The following PPP2R5D variants were observed in gnomAD, a reference collection of about 807,000 sequenced individuals.
PPP2R5D encodes the protein protein phosphatase 2 regulatory subunit B'delta.
A neutral mutation model predicts 79.1 loss-of-function variants in PPP2R5D; 12 were observed. The ratio of observed to expected loss-of-function variants is 0.15; its 90% confidence interval spans 0.10 to 0.25. The LOEUF is 0.25. Ranked by LOEUF, PPP2R5D falls within the 10% of genes least tolerant of loss-of-function variation. PPP2R5D has a pLI of 1.00. For missense variants in PPP2R5D, 419 were observed against 760.2 expected, an observed-to-expected ratio of 0.55 and a Z score of 5.28; for synonymous variants, 277 against 286.6, an observed-to-expected ratio of 0.97 and a Z score of 0.34.
Position 43,007,933 on chromosome 6 carries a change from A to T in PPP2R5D, c.727-2A>T. On this transcript the variant is annotated splice_acceptor_variant, in intron 6 of 15. Transcript: ENST00000485511. LOFTEE classifies it high-confidence loss of function. This position sits in a 1 kb window ranked among gnomAD's most constrained non-coding sequence, Gnocchi z 4.5. ...GCTGCTTTCCCTCCCTTGTACCCCC[A>T]GCTCCTAGACCTATTTGACAGTGAG... The T allele has an allele frequency of 1.2e-6, 2 of 1,613,914 alleles. No individual in the cohort carries two copies. The highest frequency in any genetic ancestry group is 1.7e-6 in the Non-Finnish European group (2 of 1,179,866).
chr6:43,003,554 AT>A (rs1326472432), intron 2 of PPP2R5D, among the ~76,000 whole-genome samples: 23 of 152,208 alleles, frequency 1.5e-4, no homozygotes, highest in African/African-American at 5.5e-4. Context: ...CTTGTAGAAA[AT>A]TTAGAAATGC....
intron 2 of PPP2R5D, among the ~76,000 whole-genome samples, chr6:42,991,247 C>T (rs1324917086): frequency 6.6e-6 from 1 of 152,106 alleles, no homozygotes; most frequent in Non-Finnish European, 1.5e-5. Context: ...ATTGTGGGAC[C>T]CACAGGGAAG....
Position 43,010,364 on chromosome 6 carries a change from G to A in PPP2R5D, c.1380-104G>A. ...GGTTTGTGAACTGGAAGTAGTAAAT[G>A]ACAAAGCTCTTAGCAGAGATACCCC... On this transcript the variant is annotated intron_variant, in intron 12 of 15. Coordinates refer to ENST00000485511, the MANE Select transcript of PPP2R5D (RefSeq NM_006245.4). This position sits in a 1 kb window ranked among gnomAD's most constrained non-coding sequence, Gnocchi z 4.7. 1.1e-6 allele frequency: 1 copy of A among 902,236 alleles called. No individual in the cohort carries two copies. 55.9% of individuals were successfully genotyped at this position (902,236 alleles called of 1,614,324 possible). A position where few individuals can be genotyped will look rare whatever the true frequency, so the allele number is the denominator to read the frequency against.
rs992335320 is a variant in PPP2R5D at position 43,006,381 on chromosome 6, T to G, written c.106-82T>G. ...CTCACTGCCCAGGCCTGTGCAGGCA[T>G]AAACAGACTTGGGGATGGCCAGGCC... is the stretch of plus-strand genomic sequence containing the variant. On this transcript the variant is annotated intron_variant, in intron 2 of 15. Coordinates refer to ENST00000485511, the MANE Select transcript of PPP2R5D (RefSeq NM_006245.4). This position sits in a 1 kb window ranked among gnomAD's most constrained non-coding sequence, Gnocchi z 4.7. The G allele has an allele frequency of 6.5e-7, 1 of 1,537,728 alleles. No individual in the cohort carries two copies. Among genetic ancestry groups the G allele is most frequent in the Non-Finnish European group, 8.7e-7 (1 of 1,142,914 alleles).
intron 2 of PPP2R5D, among the ~76,000 whole-genome samples, chr6:43,003,659 G>A (rs141477349): frequency 6.6e-6 from 1 of 152,046 alleles, no homozygotes; most frequent in Non-Finnish European, 1.5e-5. Flanking sequence ...TTTTGGTTCT[G>A]TGCATGTGTT....
At chr6:42,992,383 T>G (rs889766569) in intron 2 of PPP2R5D, among the ~76,000 whole-genome samples, 1 of 152,160 alleles carries the variant, frequency 6.6e-6, no homozygotes, top group South Asian at 2.1e-4. Context: ...TTGTCCGGAA[T>G]TTTGGGCTCT....
chr6:43,008,415 C>T lies in PPP2R5D; in HGVS notation c.966C>T (p.Phe322=), dbSNP rs1369610214. The change falls in exon 9 of 16, where the codon TTC becomes TTT. Residue 322 remains phenylalanine (F), a synonymous_variant. Coordinates refer to ENST00000485511, the MANE Select transcript of PPP2R5D (RefSeq NM_006245.4). This position sits in a 1 kb window ranked among gnomAD's most constrained non-coding sequence, Gnocchi z 4.2. ...ALPLKEEHKM[F]LIRVLLPLHK... ...CCCTTAAAGAAGAGCACAAGATGTT[C>T]CTCATCCGTGTCCTACTTCCCCTTC... is the stretch of plus-strand genomic sequence containing the variant. The T allele has an allele frequency of 6.2e-7, 1 of 1,614,130 alleles. No individual in the cohort carries two copies. The highest frequency in any genetic ancestry group is 8.5e-7 in the Non-Finnish European group (1 of 1,180,006).
In PPP2R5D at chr6:42,984,681, C is replaced by T. The variant is rs1029888036; in HGVS notation, c.4C>T (p.Pro2Ser). 6.2e-7 allele frequency: 1 copy of T among 1,610,384 alleles called. No individual in the cohort carries two copies. The highest frequency in any genetic ancestry group is 1.3e-5 in the African/African-American group (1 of 74,864). Residue 2 changes from proline (P) to serine (S), a missense_variant, in exon 1 of 16, where the codon CCC becomes TCC. Physicochemically the swap from Pro to Ser is moderately conservative, Grantham distance 74. This residue lies in a region of PPP2R5D where 110 missense variants were observed against 147.6 expected (regional missense o/e 0.75). Transcript: ENST00000485511. The part of the protein sequence containing the change: M[P>S]YKLKKEKEPP... The stretch of plus-strand genomic sequence containing the variant: ...GGCCGGGTCCGGACGGGCCGAGATG[C>T]CCTATAAACTGAAAAAGGAGAAGGT...
intron 2 of PPP2R5D, among the ~76,000 whole-genome samples, chr6:42,999,009 T>C (rs909713220): frequency 2.0e-5 from 3 of 152,208 alleles, no homozygotes; most frequent in Admixed American, 6.5e-5. Context: ...CACTTCAGCC[T>C]GGGTGGCAGA....
intron 1 of PPP2R5D, among the ~76,000 whole-genome samples, 190 bp downstream of exon 1, chr6:42,984,894 C>T (rs537968954): frequency 1.3e-5 from 2 of 151,640 alleles, no homozygotes; most frequent in Non-Finnish European, 3.0e-5. Context: ...ACAGCTCCCC[C>T]ACCTTGCCCC....
At chr6:42,989,208 A>T (rs1450030699) in intron 1 of PPP2R5D, among the ~76,000 whole-genome samples, 1 of 152,182 alleles carries the variant, frequency 6.6e-6, no homozygotes, top group African/African-American at 2.4e-5. Context: ...CCTGCACTCC[A>T]GCATGAAAGC....
chr6:43,001,053 ACCC>A (rs1772157653), intron 2 of PPP2R5D, among the ~76,000 whole-genome samples: 2 of 152,230 alleles, frequency 1.3e-5, no homozygotes, highest in African/African-American at 4.8e-5. Flanking sequence ...AGGGGGTGAC[ACCC>A]AAGGGCTGGA....
At chr6:42,990,624 C>T (rs1019041133) in intron 2 of PPP2R5D, among the ~76,000 whole-genome samples, 3 of 151,702 alleles carry the variant, frequency 2.0e-5, no homozygotes, top group East Asian at 3.9e-4. Flanking sequence ...GTAGGTTTTC[C>T]CCATTTTATA....
At chr6:42,998,695 T>G (rs1224054456) in intron 2 of PPP2R5D, among the ~76,000 whole-genome samples, 2 of 151,096 alleles carry the variant, frequency 1.3e-5, no homozygotes, top group Non-Finnish European at 1.5e-5. Flanking sequence ...CTCCAGAGTT[T>G]GAGACCAGCC....
chr6:42,984,816 G>T, intron 1 of PPP2R5D, 112 bp downstream of exon 1: 1 of 1,490,608 alleles, frequency 6.7e-7, no homozygotes, highest in Non-Finnish European at 9.0e-7. Flanking sequence ...TCCAGCCCCC[G>T]CAGGACTCCT....
chr6:43,011,963 CCT>C lies in PPP2R5D; in HGVS notation c.*678_*679del, dbSNP rs1250795145. The C allele has an allele frequency of 6.4e-6, 1 of 156,146 alleles. No homozygotes were observed. Among genetic ancestry groups the C allele is most frequent in the African/African-American group, 2.4e-5 (1 of 41,522 alleles). The allele number at this position is 156,146 out of a possible 1,614,324, so 9.7% of individuals were successfully genotyped here. On this transcript the variant is annotated 3_prime_UTR_variant, in exon 16 of 16. Coordinates refer to ENST00000485511, the MANE Select transcript of PPP2R5D (RefSeq NM_006245.4). ...GATGAATAAACACCCTACCCCGTGC[CCT>C]GTCTTTGGTGAGCAGCAGCCCTGGG... is the stretch of plus-strand genomic sequence containing the variant.
intron 2 of PPP2R5D, among the ~76,000 whole-genome samples, chr6:42,999,142 A>T (rs1771998708): frequency 6.6e-6 from 1 of 151,956 alleles, no homozygotes; most frequent in East Asian, 1.9e-4. Flanking sequence ...CCCTGCTTTG[A>T]TGGCTGCAGA....
chr6:42,993,311 A>T (rs76486801), intron 2 of PPP2R5D, among the ~76,000 whole-genome samples: 1 of 151,702 alleles, frequency 6.6e-6, no homozygotes, highest in Non-Finnish European at 1.5e-5. Flanking sequence ...AAAAAAAAAA[A>T]ATACAAAAAT....
Position 43,007,428 on chromosome 6 carries a change from C to G in PPP2R5D, c.648C>G (p.Phe216Leu). Reference sequence around the variant, plus strand: ...TTCCCCTATAGCTCGTGTATGAGTTCTTCTTACGTTTCCTTGAGTCTCCTG... The same window carrying G: ...TTCCCCTATAGCTCGTGTATGAGTTGTTCTTACGTTTCCTTGAGTCTCCTG... The part of the protein sequence containing the change: ...AWPHLQLVYE[F>L]FLRFLESPDF... Residue 216 changes from phenylalanine to leucine, a missense_variant, in exon 6 of 16, where the codon TTC becomes TTG. Around this residue, in one of 5 missense-constraint regions of PPP2R5D, gnomAD observed 196 missense variants for 424.5 expected, o/e 0.46. Coordinates refer to ENST00000485511, the MANE Select transcript of PPP2R5D (RefSeq NM_006245.4). The surrounding 1 kb of genome is among the most constrained non-coding windows in gnomAD (Gnocchi z 4.5). The G allele has an allele frequency of 6.2e-7, 1 of 1,613,246 alleles. No homozygotes were observed. The highest frequency in any genetic ancestry group is 8.5e-7 in the Non-Finnish European group (1 of 1,179,158).
Sources: allele counts gnomAD v4.1 joint callset (sites outside exome capture counted in the v4.1 genomes callset), GRCh38; gene constraint gnomAD v4.1.1; regional missense constraint gnomAD v4.1.1; non-coding constraint Gnocchi (gnomAD v3.1); transcripts MANE v1.5; gene names NCBI Gene and HGNC (gene_info 2026-07-23, HGNC 2026-07-21).